CNMD: variants seen among roughly 807,000 people sequenced by gnomAD.
The protein encoded by CNMD is chondromodulin.
A neutral mutation model predicts 37.5 loss-of-function variants in CNMD; 30 were observed. That is an observed-to-expected ratio of 0.80 (90% CI 0.60 to 1.09). CNMD has a LOEUF of 1.09. Ranked by LOEUF, CNMD falls within the 50% of genes least tolerant of loss-of-function variation. The pLI is 0.00. For synonymous variants in CNMD, 167 were observed against 148.2 expected, an observed-to-expected ratio of 1.13 and a Z score of -0.92; for missense variants, 398 against 423.9, an observed-to-expected ratio of 0.94 and a Z score of 0.54.
At chr13:52,704,788 G>T (rs550396621) in intron 6 of CNMD, among the ~76,000 whole-genome samples, 1 of 152,122 alleles carries the variant, frequency 6.6e-6, no homozygotes, top group South Asian at 2.1e-4. Context: ...TCAGCCACGC[G>T]CAGTGGCTCA....
intron 4 of CNMD, among the ~76,000 whole-genome samples, chr13:52,715,640 A>G (rs535879680): frequency 2.0e-5 from 3 of 152,222 alleles, no homozygotes; most frequent in Non-Finnish European, 4.4e-5. Flanking sequence ...GCTGAGAATG[A>G]TGGTTTCCAG....
At chr13:52,722,678 A>G (rs562514145) in intron 4 of CNMD, among the ~76,000 whole-genome samples, 1 of 152,318 alleles carries the variant, frequency 6.6e-6, no homozygotes, top group East Asian at 1.9e-4. Flanking sequence ...TGTAAGCCCT[A>G]AACTACCATT....
intron 4 of CNMD, among the ~76,000 whole-genome samples, chr13:52,723,344 C>T (rs761000504): frequency 1.3e-5 from 2 of 152,126 alleles, no homozygotes; most frequent in Non-Finnish European, 2.9e-5. Context: ...CTGCCCACCT[C>T]GGCCTCCCAA....
chr13:52,739,383 C>T lies in CNMD; in HGVS notation c.73-212G>A, dbSNP rs943944018. The T allele has an allele frequency of 1.6e-5, 11 of 681,332 alleles. No individual in the cohort carries two copies. The East Asian group carries it at 2.9e-4, about 18-fold the overall frequency. 42.2% of individuals were successfully genotyped at this position (681,332 alleles called of 1,614,324 possible). A position where few individuals can be genotyped will look rare whatever the true frequency, so the allele number is the denominator to read the frequency against. The stretch of plus-strand genomic sequence containing the variant: ...GAAGTGGGATGAGCAAACCCCGCAG[C>T]ACAGGGCCTTCGCCCCAGGACCTGC... On this transcript the variant is annotated intron_variant, in intron 1 of 6. Transcript: ENST00000377962. The surrounding 1 kb of genome is among the most constrained non-coding windows in gnomAD (Gnocchi z 5.4).
At chr13:52,707,865 TG>T (rs1964213033) in intron 6 of CNMD, among the ~76,000 whole-genome samples, 1 of 151,838 alleles carries the variant, frequency 6.6e-6, no homozygotes, top group African/African-American at 2.4e-5. Context: ...AACAACATCT[TG>T]GGAGGCCAAG....
chr13:52,725,783 G>C (rs897957934), intron 3 of CNMD, among the ~76,000 whole-genome samples: 3 of 152,196 alleles, frequency 2.0e-5, no homozygotes, highest in African/African-American at 7.2e-5. Flanking sequence ...AATGGGGGTA[G>C]AAAACACTTA....
At chr13:52,730,523 T>C (rs1964647499) in intron 3 of CNMD, among the ~76,000 whole-genome samples, 1 of 151,976 alleles carries the variant, frequency 6.6e-6, no homozygotes, top group Admixed American at 6.6e-5. Context: ...TTCTAACTGG[T>C]GTGAGATGGT....
In CNMD at chr13:52,739,323, C is replaced by A. The variant is rs1321278676; in HGVS notation, c.73-152G>T. 6 of 916,004 alleles carry A rather than the reference C, an allele frequency of 6.6e-6. No homozygotes were observed. Among genetic ancestry groups the A allele is most frequent in the Non-Finnish European group, 9.4e-6 (6 of 640,052 alleles). The allele number at this position is 916,004 out of a possible 1,614,324, so 56.7% of individuals were successfully genotyped here. On this transcript the variant is annotated intron_variant, in intron 1 of 6. Transcript: ENST00000377962. The surrounding 1 kb of genome is among the most constrained non-coding windows in gnomAD (Gnocchi z 5.4). ...GCTCCTACGGGTGCCCCTTTCGCCG[C>A]GCTCCCTCCCGAGGGTCCTTTGCAG... is the stretch of plus-strand genomic sequence containing the variant.
At chr13:52,730,689 T>G (rs113855564) in intron 3 of CNMD, among the ~76,000 whole-genome samples, 6,161 of 152,308 alleles carry the variant, frequency 0.04, 150 homozygotes, top group South Asian at 0.065. Flanking sequence ...TTTCTAAGGC[T>G]TTTTGTTATA....
intron 6 of CNMD, among the ~76,000 whole-genome samples, chr13:52,705,429 A>C (rs1964158330): frequency 6.6e-6 from 1 of 152,132 alleles, no homozygotes; most frequent in Non-Finnish European, 1.5e-5. Context: ...TTATTATCTT[A>C]CTCTTAAAGC....
chr13:52,710,069 T>C (rs1039027209), intron 5 of CNMD, among the ~76,000 whole-genome samples: 1 of 152,188 alleles, frequency 6.6e-6, no homozygotes, highest in Non-Finnish European at 1.5e-5. Context: ...ATCTAATTCA[T>C]AGGGTAGTGA....
Position 52,739,611 on chromosome 13 carries a change from A to G in CNMD, c.72+19T>C. On this transcript the variant is annotated intron_variant, in intron 1 of 6. Transcript: ENST00000377962. This position sits in a 1 kb window ranked among gnomAD's most constrained non-coding sequence, Gnocchi z 5.4. ...CACACAACCCAGGCCCTGCGTGTGG[A>G]ATCCCTGGCGGTACTCACCGGGGGG... is the stretch of plus-strand genomic sequence containing the variant. 6.2e-7 allele frequency: 1 copy of G among 1,608,822 alleles called. No individual in the cohort carries two copies. The highest frequency in any genetic ancestry group is 8.5e-7 in the Non-Finnish European group (1 of 1,175,190).
chr13:52,739,335 A>G lies in CNMD; in HGVS notation c.73-164T>C, dbSNP rs1964843342. ...GCCCCTTTCGCCGCGCTCCCTCCCG[A>G]GGGTCCTTTGCAGTCGGGCGTGGAA... On this transcript the variant is annotated intron_variant, in intron 1 of 6. Coordinates refer to ENST00000377962, the MANE Select transcript of CNMD (RefSeq NM_007015.3). This position sits in a 1 kb window ranked among gnomAD's most constrained non-coding sequence, Gnocchi z 5.4. The G allele has an allele frequency of 1.3e-5, 11 of 858,872 alleles. No homozygotes were observed. The South Asian group carries it at 1.9e-4, about 15-fold the overall frequency. 53.2% of individuals were successfully genotyped at this position (858,872 alleles called of 1,614,324 possible).
chr13:52,732,287 G>A lies in CNMD; in HGVS notation c.354+932C>T, dbSNP rs531268037. On this transcript the variant is annotated intron_variant, in intron 3 of 6. Transcript: ENST00000377962. ...ACCTACTCCATCTGCAGATTTAACA[G>A]GAGTACACAAATAGTGATGCCTCTT... Among the ~76,000 whole-genome samples, 12 of 152,286 alleles carry A rather than the reference G, an allele frequency of 7.9e-5. No homozygotes were observed. The South Asian group carries it at 2.5e-3, about 32-fold the overall frequency.
At chr13:52,707,882 T>C (rs1317319247) in intron 6 of CNMD, among the ~76,000 whole-genome samples, 1 of 151,726 alleles carries the variant, frequency 6.6e-6, no homozygotes, top group East Asian at 2.0e-4. Flanking sequence ...CCAAGGCAGG[T>C]GGATCACCTG....
chr13:52,724,048 A>T lies in CNMD; in HGVS notation c.417T>A (p.Ala139=). Residue 139 remains alanine (A), a synonymous_variant, in exon 4 of 7, where the codon GCT becomes GCA. Transcript: ENST00000377962. ...TCACGGCGCCCACCTCAGGAATACG[A>T]GCCTTCACTTGCGCTTTAATGTAGC... ...EKCYIKAQVK[A]RIPEVGAVTK... 6.2e-7 allele frequency: 1 copy of T among 1,614,130 alleles called. No individual in the cohort carries two copies. The highest frequency in any genetic ancestry group is 2.2e-5 in the East Asian group (1 of 44,874).
intron 4 of CNMD, among the ~76,000 whole-genome samples, chr13:52,721,211 G>T (rs563046677): frequency 5.9e-5 from 9 of 152,350 alleles, no homozygotes; most frequent in African/African-American, 2.2e-4. Flanking sequence ...AGAATTTCAA[G>T]CCAGTGGATC....
intron 4 of CNMD, among the ~76,000 whole-genome samples, chr13:52,719,987 T>C (rs1168412709): frequency 6.6e-6 from 1 of 152,240 alleles, no homozygotes; most frequent in Non-Finnish European, 1.5e-5. Context: ...TTTGGTTTTT[T>C]CACATAGTCC....
At chr13:52,718,052 C>T (rs1964419935) in intron 4 of CNMD, among the ~76,000 whole-genome samples, 2 of 152,194 alleles carry the variant, frequency 1.3e-5, no homozygotes, top group African/African-American at 4.8e-5. Flanking sequence ...GATTTGACTT[C>T]TTCCTGGTTT....
Sources: allele counts gnomAD v4.1 joint callset (sites outside exome capture counted in the v4.1 genomes callset), GRCh38; gene constraint gnomAD v4.1.1; non-coding constraint Gnocchi (gnomAD v3.1); transcripts MANE v1.5; gene names NCBI Gene and HGNC (gene_info 2026-07-23, HGNC 2026-07-21).